FAM98B: variants seen among roughly 807,000 people sequenced by gnomAD.
FAM98B encodes the protein tRNA splicing ligase complex subunit 3B.
A neutral mutation model predicts 43.9 loss-of-function variants in FAM98B; 32 were observed. That is an observed-to-expected ratio of 0.73 (90% confidence interval 0.55 to 0.98). The LOEUF is 0.98. FAM98B is among the 50% of genes least tolerant of loss of function. The pLI is 0.00. For synonymous variants in FAM98B, 190 were observed against 174.0 expected, an observed-to-expected ratio of 1.09 and a Z score of -0.72; for missense variants, 514 against 522.9, an observed-to-expected ratio of 0.98 and a Z score of 0.17.
At chr15:38,476,617 T>A (rs927121420) in intron 6 of FAM98B, among the ~76,000 whole-genome samples, 1 of 152,042 alleles carries the variant, frequency 6.6e-6, no homozygotes, top group African/African-American at 2.4e-5. Flanking sequence ...AATTATTTTT[T>A]AAATTTCCAT....
At chr15:38,467,226 G>C (rs1050469476) in intron 3 of FAM98B, among the ~76,000 whole-genome samples, 1 of 152,108 alleles carries the variant, frequency 6.6e-6, no homozygotes, top group Non-Finnish European at 1.5e-5. Context: ...TCTTCAGTTT[G>C]ACTGTTTTAA....
At chr15:38,465,245 T>G in intron 2 of FAM98B, 24 bp from the exon 3 acceptor site, 2 of 1,593,358 alleles carry the variant, frequency 1.3e-6, no homozygotes, top group Non-Finnish European at 1.7e-6. Context: ...TCAGTAAATG[T>G]TTTATGATTT....
chr15:38,464,996 G>T (rs1203200333), intron 2 of FAM98B, among the ~76,000 whole-genome samples: 2 of 152,152 alleles, frequency 1.3e-5, no homozygotes, highest in Admixed American at 6.5e-5. Flanking sequence ...ATAAAGATAA[G>T]CAGTGAGGGT....
chr15:38,474,051 A>T, intron 5 of FAM98B, 131 bp from the exon 6 acceptor site: 1 of 620,258 alleles, frequency 1.6e-6, no homozygotes, highest in Non-Finnish European at 2.9e-6. Flanking sequence ...ATAAAGTCTC[A>T]TGGGAACAGA....
At position 38,484,783 on chromosome 15, in the gene FAM98B, C is replaced by A; in HGVS notation, c.*124C>A. The A allele has an allele frequency of 7.3e-7, 1 of 1,376,726 alleles. No homozygotes were observed. The highest frequency in any genetic ancestry group is 1.7e-5 in the South Asian group (1 of 60,512). The allele number at this position is 1,376,726 out of a possible 1,614,324, so 85.3% of individuals were successfully genotyped here. On this transcript the variant is annotated 3_prime_UTR_variant, in exon 8 of 8. Transcript: ENST00000397609. Reference sequence around the variant, plus strand: ...CATGTTAGACTCCCTGGTGATACCACTCTTGAATTGGTTAATATGTAAGAA... The same window carrying A: ...CATGTTAGACTCCCTGGTGATACCAATCTTGAATTGGTTAATATGTAAGAA...
intron 6 of FAM98B, among the ~76,000 whole-genome samples, chr15:38,477,779 A>C (rs1305829520): frequency 6.6e-6 from 1 of 152,238 alleles, no homozygotes; most frequent in African/African-American, 2.4e-5. Flanking sequence ...CATGTGTGCC[A>C]GGATAAACTC....
intron 3 of FAM98B, among the ~76,000 whole-genome samples, chr15:38,468,554 G>C (rs1049914488): frequency 6.6e-6 from 1 of 152,176 alleles, no homozygotes; most frequent in Admixed American, 6.5e-5. Flanking sequence ...AAGGACCTTA[G>C]TATAGTCCTC....
At chr15:38,481,051 AT>A (rs568196206) in intron 6 of FAM98B, among the ~76,000 whole-genome samples, 93 of 152,036 alleles carry the variant, frequency 6.1e-4, no homozygotes, top group African/African-American at 2.2e-3. Context: ...ATGTATAGAA[AT>A]TTTTTTGTTA....
intron 7 of FAM98B, chr15:38,483,339 A>G (rs1341218481): frequency 6.6e-6 from 1 of 152,144 alleles, no homozygotes; most frequent in Non-Finnish European, 1.5e-5. Flanking sequence ...TAAGCCTTTA[A>G]GTTTCAGAAA....
chr15:38,471,075 C>T (rs1890124825), intron 4 of FAM98B, among the ~76,000 whole-genome samples: 1 of 151,652 alleles, frequency 6.6e-6, no homozygotes, highest in African/African-American at 2.4e-5. Context: ...ATATGCAGTC[C>T]TCTAGGGGAA....
chr15:38,485,052 TAGAA>T lies in FAM98B; in HGVS notation c.*396_*399del, dbSNP rs1488291479. 4.3e-5 allele frequency: 7 copies of T among 162,010 alleles called. No individual in the cohort carries two copies. Among genetic ancestry groups the T allele is most frequent in the Non-Finnish European group, 6.6e-5 (5 of 75,224 alleles). 10.0% of individuals were successfully genotyped at this position (162,010 alleles called of 1,614,324 possible). On this transcript the variant is annotated 3_prime_UTR_variant, in exon 8 of 8. Coordinates refer to ENST00000397609, the MANE Select transcript of FAM98B (RefSeq NM_173611.4). ...GACATATAAAAGACCCCACCTGTAA[TAGAA>T]AGGAATATAGACCCTTGCCTCACCT...
At chr15:38,482,993 G>A (rs1444348000) in intron 7 of FAM98B, 2 of 152,196 alleles carry the variant, frequency 1.3e-5, no homozygotes, top group African/African-American at 2.4e-5. Flanking sequence ...CTTAAAAGAA[G>A]CAGTTCATTG....
In FAM98B at chr15:38,486,483, C is replaced by T. The variant is rs1890374256; in HGVS notation, c.*1824C>T. The T allele has an allele frequency of 6.6e-6, 1 of 152,072 alleles. No homozygotes were observed. Among genetic ancestry groups the T allele is most frequent in the Non-Finnish European group, 1.5e-5 (1 of 67,974 alleles). The allele number at this position is 152,072 out of a possible 1,614,324, so 9.4% of individuals were successfully genotyped here. A position where few individuals can be genotyped will look rare whatever the true frequency, so the allele number is the denominator to read the frequency against. On this transcript the variant is annotated 3_prime_UTR_variant, in exon 8 of 8. Coordinates refer to ENST00000397609, the MANE Select transcript of FAM98B (RefSeq NM_173611.4). Reference sequence around the variant, plus strand: ...GAAGGAGATTTACAACTACTTTCAACTTTTTTACCACTAAAGGTTTATGGT... The same window carrying T: ...GAAGGAGATTTACAACTACTTTCAATTTTTTTACCACTAAAGGTTTATGGT...
chr15:38,454,488 A>G (rs1889816615), intron 1 of FAM98B, among the ~76,000 whole-genome samples: 2 of 152,220 alleles, frequency 1.3e-5, no homozygotes, highest in Non-Finnish European at 2.9e-5. Flanking sequence ...TGTTGCAGGA[A>G]TCCGCCGGGT....
chr15:38,460,565 T>G (rs1297534486), intron 1 of FAM98B, among the ~76,000 whole-genome samples: 1 of 152,156 alleles, frequency 6.6e-6, no homozygotes, highest in African/African-American at 2.4e-5. Flanking sequence ...AACAAGACCC[T>G]CAGGAGATTC....
intron 1 of FAM98B, 43 bp downstream of exon 1, chr15:38,454,275 C>G (rs1450707588): frequency 1.3e-6 from 2 of 1,564,834 alleles, no homozygotes; most frequent in Middle Eastern, 1.7e-4. Context: ...AACGCAACCT[C>G]TCCTTGGCCT....
chr15:38,484,902 CAAAA>C lies in FAM98B; in HGVS notation c.*248_*251del, dbSNP rs202231500. On this transcript the variant is annotated 3_prime_UTR_variant, in exon 8 of 8. Transcript: ENST00000397609. ...GAGCATGTTGTGTCTTTTTAAAAAACAAAAAAAAGAACAAAAATTATTTTTTAAA... is the reference window on the plus strand; with the variant it reads ...GAGCATGTTGTGTCTTTTTAAAAAACAAAAGAACAAAAATTATTTTTTAAA... The C allele has an allele frequency of 5.5e-5, 25 of 452,466 alleles. No individual in the cohort carries two copies. The highest frequency in any genetic ancestry group is 1.4e-4 in the Admixed American group (3 of 21,334). 28.0% of individuals were successfully genotyped at this position (452,466 alleles called of 1,614,324 possible).
chr15:38,463,608 T>C (rs1889984528), intron 1 of FAM98B, among the ~76,000 whole-genome samples: 1 of 152,160 alleles, frequency 6.6e-6, no homozygotes, highest in Non-Finnish European at 1.5e-5. Context: ...TTAGCTTTTT[T>C]AAATTTGTAA....
At chr15:38,459,751 C>T (rs1002517395) in intron 1 of FAM98B, among the ~76,000 whole-genome samples, 2 of 152,206 alleles carry the variant, frequency 1.3e-5, no homozygotes, top group African/African-American at 4.8e-5. Context: ...CCCTTGGGTA[C>T]CCTGGCTCCA....
Sources: gnomAD v4.1 joint callset for allele counts (sites outside exome capture counted in the v4.1 genomes callset) on GRCh38, gnomAD v4.1.1 for gene constraint, MANE v1.5 for transcripts, NCBI Gene and HGNC (gene_info 2026-07-23, HGNC 2026-07-21) for gene names.